PPP2R3B: variants seen among roughly 807,000 people sequenced by gnomAD.
PPP2R3B encodes the protein protein phosphatase 2 regulatory subunit B''beta.
PPP2R3B carries 68 observed loss-of-function variants against 72.9 expected under a neutral mutation model. That is an observed-to-expected ratio of 0.93 (90% CI 0.77 to 1.14). The LOEUF (loss-of-function observed/expected upper bound fraction) is 1.14, where lower values mean the gene tolerates loss of function less well. Ranked by LOEUF, PPP2R3B falls within the 50% of genes most tolerant of loss-of-function variation. PPP2R3B has a pLI of 0.00. For missense variants in PPP2R3B, 1,018 were observed against 842.0 expected (o/e 1.21, Z -2.59); for synonymous variants, 466 against 375.8 (o/e 1.24, Z -2.78).
In PPP2R3B at chrX:334,232, C is replaced by T. The variant is rs775412772; in HGVS notation, c.*135G>A. 78 of 1,110,578 alleles carry T rather than the reference C, an allele frequency of 7.0e-5. No homozygotes were observed. The highest frequency in any genetic ancestry group is 5.6e-4 in the South Asian group (28 of 49,648). The allele number at this position is 1,110,578 out of a possible 1,614,324, so 68.8% of individuals were successfully genotyped here. On this transcript the variant is annotated 3_prime_UTR_variant, in exon 13 of 13. Transcript: ENST00000390665. ...CACGAACCCACAGCGGCAATCAACACGCTTCTGTGAATAAATAAAAGTTTA... is the reference window on the plus strand; with the variant it reads ...CACGAACCCACAGCGGCAATCAACATGCTTCTGTGAATAAATAAAAGTTTA...
chrX:340,315 G>C (rs1215788479), intron 10 of PPP2R3B, among the ~76,000 whole-genome samples: 1 of 150,862 alleles, frequency 6.6e-6, no homozygotes, highest in Non-Finnish European at 1.5e-5. Context: ...AGGTTCTCTA[G>C]GTCACCCCTC....
intron 2 of PPP2R3B, among the ~76,000 whole-genome samples, chrX:355,555 A>G (rs2071418352): frequency 6.6e-6 from 1 of 152,198 alleles, no homozygotes; most frequent in Non-Finnish European, 1.5e-5. Flanking sequence ...GTTCCCCAGA[A>G]AGCCGGAAGT....
rs776019914 is a variant in PPP2R3B at position 381,776 on chromosome X, CTT to C, written c.324+4590_324+4591del. On this transcript the variant is annotated intron_variant, in intron 1 of 12. Coordinates refer to ENST00000390665, the MANE Select transcript of PPP2R3B (RefSeq NM_013239.5). ...ACCACGCCCGGCTAATTTTCTGTAT[CTT>C]TAGTAGAGACAGGGTTTCACTGTGT... 1.6e-3 allele frequency among the ~76,000 whole-genome samples: 237 copies of C among 151,614 alleles called. 2 individuals are homozygous for C. The highest frequency in any genetic ancestry group is 5.3e-3 in the African/African-American group (221 of 41,318).
At chrX:350,965 A>G (rs1181213652) in intron 2 of PPP2R3B, among the ~76,000 whole-genome samples, 1 of 152,144 alleles carries the variant, frequency 6.6e-6, no homozygotes, top group East Asian at 1.9e-4. Flanking sequence ...CTGGAGGAAT[A>G]AACTGTGGCA....
intron 1 of PPP2R3B, among the ~76,000 whole-genome samples, chrX:374,423 C>G (rs2071945584): frequency 6.6e-6 from 1 of 152,252 alleles, no homozygotes; most frequent in African/African-American, 2.4e-5. Context: ...TAGAATACAG[C>G]TAAGCTGCAG....
At chrX:364,602 C>G (rs929346448) in intron 1 of PPP2R3B, among the ~76,000 whole-genome samples, 4 of 148,936 alleles carry the variant, frequency 2.7e-5, no homozygotes, top group Non-Finnish European at 4.5e-5. Flanking sequence ...CCTGTACTCC[C>G]AGCTACTCGG....
At position 361,578 on chromosome X, in the gene PPP2R3B, T is replaced by C; in HGVS notation, c.337A>G (p.Lys113Glu). 1 of 1,613,906 alleles carries C rather than the reference T, an allele frequency of 6.2e-7. No individual in the cohort carries two copies. The highest frequency in any genetic ancestry group is 1.7e-5 in the Admixed American group (1 of 60,020). The change falls in exon 2 of 13, where the codon AAA becomes GAA. Residue 113 changes from lysine to glutamate, a missense_variant. By Grantham distance (56) the Lys-to-Glu change is moderately conservative. Coordinates refer to ENST00000390665, the MANE Select transcript of PPP2R3B (RefSeq NM_013239.5). ...SAGTRVVQTRKEEPLPPATSQ... is the reference protein window; with the variant it reads ...SAGTRVVQTREEEPLPPATSQ... ...GTGGCCGGGGGCAGAGGCTCTTCTTTCCGTGTCTGAACCTGAAGAGTCGAC... is the reference window on the plus strand; with the variant it reads ...GTGGCCGGGGGCAGAGGCTCTTCTTCCCGTGTCTGAACCTGAAGAGTCGAC...
At chrX:334,662 C>CA in intron 12 of PPP2R3B, 145 bp from the exon 13 acceptor site, 1 of 974,552 alleles carries the variant, frequency 1.0e-6, no homozygotes. Context: ...GCTGAGCCAG[C>CA]AACGCGCTCC....
At chrX:341,087 G>C in intron 9 of PPP2R3B, 147 bp from the exon 10 acceptor site, 1 of 1,230,200 alleles carries the variant, frequency 8.1e-7, no homozygotes, top group Non-Finnish European at 1.1e-6. Context: ...CCTGCCCCCT[G>C]CCGCCCCCAC....
chrX:352,512 A>ACACCTTGCTCTGGGTGGATCGTCTGCC (rs1569393987), intron 2 of PPP2R3B, among the ~76,000 whole-genome samples: 5 of 149,692 alleles, frequency 3.3e-5, no homozygotes, highest in African/African-American at 1.2e-4. Context: ...TGGGACTCAC[A>ACACCTTGCTCTGGGTGGATCGTCTGCC]CACCTTGCTC....
chrX:384,583 C>T (rs1255802604), intron 1 of PPP2R3B, among the ~76,000 whole-genome samples: 1 of 152,044 alleles, frequency 6.6e-6, no homozygotes. Context: ...CGTGAGTCAC[C>T]ATGCCTGACC....
At chrX:338,741 C>G in intron 11 of PPP2R3B, 31 bp from the exon 12 acceptor site, 1 of 1,611,728 alleles carries the variant, frequency 6.2e-7, no homozygotes. Context: ...ACGTACACGG[C>G]GTGGCGCGGC....
chrX:342,056 G>A (rs771950934), intron 7 of PPP2R3B, 125 bp from the exon 8 acceptor site: 3 of 1,180,138 alleles, frequency 2.5e-6, no homozygotes, highest in Admixed American at 3.4e-5. Context: ...GTCTGGGAGA[G>A]CCCCGGGGCC....
At chrX:366,777 C>T (rs1227271103) in intron 1 of PPP2R3B, among the ~76,000 whole-genome samples, 4 of 112,552 alleles carry the variant, frequency 3.6e-5, no homozygotes, top group Non-Finnish European at 5.6e-5. Flanking sequence ...GCAGGAGAAT[C>T]GCTTCAACAC....
Position 386,615 on chromosome X carries a change from G to A in PPP2R3B, c.77C>T (p.Ala26Val). The A allele has an allele frequency of 6.9e-7, 1 of 1,446,214 alleles. No homozygotes were observed. The highest frequency in any genetic ancestry group is 9.1e-7 in the Non-Finnish European group (1 of 1,100,406). The allele number at this position is 1,446,214 out of a possible 1,614,324, so 89.6% of individuals were successfully genotyped here. A position where few individuals can be genotyped will look rare whatever the true frequency, so the allele number is the denominator to read the frequency against. ...DELFLYWLSE[A>V]STQRMLQDCL... Reference sequence around the variant, plus strand: ...GTCCTGCAGCATCCGCTGCGTGCTGGCCTCGCTGAGCCAGTACAGGAACAG... The same window carrying A: ...GTCCTGCAGCATCCGCTGCGTGCTGACCTCGCTGAGCCAGTACAGGAACAG... Residue 26 changes from alanine to valine, a missense_variant, in exon 1 of 13, where the codon GCC (alanine) becomes GTC (valine). By Grantham distance (64) the Ala-to-Val change is moderately conservative. Transcript: ENST00000390665.
At chrX:351,104 G>A (rs1001100782) in intron 2 of PPP2R3B, among the ~76,000 whole-genome samples, 3 of 152,136 alleles carry the variant, frequency 2.0e-5, no homozygotes, top group Admixed American at 6.5e-5. Flanking sequence ...TGGCGCACCT[G>A]TGGATGACTT....
intron 2 of PPP2R3B, among the ~76,000 whole-genome samples, chrX:355,212 A>G (rs751974210): frequency 6.6e-6 from 1 of 152,358 alleles, no homozygotes; most frequent in South Asian, 2.1e-4. Flanking sequence ...GTGCTTCTCA[A>G]CATTCACAAT....
chrX:339,030 G>A (rs909393922), intron 10 of PPP2R3B, 134 bp from the exon 11 acceptor site: 9 of 775,900 alleles, frequency 1.2e-5, no homozygotes, highest in Non-Finnish European at 2.0e-5. Context: ...CCACGTGTTT[G>A]ACGTGAAAGG....
At chrX:381,339 A>G (rs2072119724) in intron 1 of PPP2R3B, among the ~76,000 whole-genome samples, 1 of 152,218 alleles carries the variant, frequency 6.6e-6, no homozygotes, top group Non-Finnish European at 1.5e-5. Context: ...ATGAAGGCGT[A>G]GGTAACGTAA....
Sources: allele counts gnomAD v4.1 joint callset (sites outside exome capture counted in the v4.1 genomes callset), GRCh38; gene constraint gnomAD v4.1.1; transcripts MANE v1.5; gene names NCBI Gene and HGNC (gene_info 2026-07-23, HGNC 2026-07-21).